PRUNE2: variants seen among roughly 807,000 people sequenced by gnomAD.
PRUNE2 encodes the protein protein prune homolog 2.
In PRUNE2, 164 loss-of-function variants were observed where a neutral mutation model predicts 252.0. That is an observed-to-expected ratio of 0.65 (90% CI 0.57 to 0.74). The LOEUF is 0.74. PRUNE2 is among the 30% of genes least tolerant of loss of function. PRUNE2 has a pLI of 0.00. For synonymous variants in PRUNE2, 1,292 were observed against 1,350.2 expected, an observed-to-expected ratio of 0.96 and a Z score of 0.94; for missense variants, 3,495 against 3,711.0, an observed-to-expected ratio of 0.94 and a Z score of 1.51.
At chr9:76,757,866 CA>C (rs984113966) in intron 6 of PRUNE2, among the ~76,000 whole-genome samples, 32 of 151,472 alleles carry the variant, frequency 2.1e-4, no homozygotes, top group Non-Finnish European at 3.4e-4. Flanking sequence ...GGGCCCCACC[CA>C]AAAAAAGAGA....
At chr9:76,743,045 A>T (rs1220118666) in intron 6 of PRUNE2, among the ~76,000 whole-genome samples, 1 of 152,046 alleles carries the variant, frequency 6.6e-6, no homozygotes, top group Non-Finnish European at 1.5e-5. Context: ...TTCTCATGAG[A>T]TCTGATGGTT....
chr9:76,660,348 C>G (rs1282438292), intron 9 of PRUNE2, among the ~76,000 whole-genome samples: 1 of 152,114 alleles, frequency 6.6e-6, no homozygotes, highest in Non-Finnish European at 1.5e-5. Context: ...AAATAAAAAG[C>G]AACCAGTAGG....
At chr9:76,718,084 T>A (rs115756716) in intron 6 of PRUNE2, among the ~76,000 whole-genome samples, 155 of 152,332 alleles carry the variant, frequency 1.0e-3, no homozygotes, top group African/African-American at 3.5e-3. Context: ...GTACCTGAAC[T>A]AATATCAAAA....
chr9:76,827,705 A>T (rs935053570), intron 4 of PRUNE2, among the ~76,000 whole-genome samples: 2 of 152,324 alleles, frequency 1.3e-5, no homozygotes, highest in African/African-American at 4.8e-5. Context: ...ATGGTACCCA[A>T]TCCAAACACA....
rs116690964 is a variant in PRUNE2 at position 76,705,056 on chromosome 9, C to A, written c.7218G>T (p.Gln2406His). Residue 2406 changes from glutamine to histidine, a missense_variant, in exon 8 of 19, where the codon CAG (glutamine) becomes CAT (histidine). Physicochemically the swap from Gln to His is conservative, Grantham distance 24. Transcript: ENST00000376718. ...CAGCTTCCTCTATTGTTTCAGCACT[C>A]TGGGCAGGTTCTGTGAGATAAGACA... ...FDLSYLTEPA[Q>H]SAETIEEAGS... is the part of the protein sequence containing the mutation. 1.7e-4 allele frequency: 274 copies of A among 1,613,996 alleles called. No individual in the cohort carries two copies. The African/African-American group carries it at 3.3e-3, about 19-fold the overall frequency.
At chr9:76,616,180 C>A (rs947580089) in intron 18 of PRUNE2, among the ~76,000 whole-genome samples, 1 of 152,170 alleles carries the variant, frequency 6.6e-6, no homozygotes, top group Admixed American at 6.6e-5. Context: ...AGTTTTCAGG[C>A]CCTCTGACTT....
Position 76,705,179 on chromosome 9 carries a change from T to G in PRUNE2, c.7095A>C (p.Leu2365Phe), listed in dbSNP as rs3739524. 0.19 allele frequency: 300,365 copies of G among 1,613,760 alleles called. 31,881 individuals carry two copies. The highest frequency in any genetic ancestry group is 0.5 in the East Asian group (22,204 of 44,856). The change falls in exon 8 of 19, where the codon TTA (leucine) becomes TTC (phenylalanine). Residue 2365 changes from leucine (L) to phenylalanine (F), a missense_variant. Physicochemically the swap from Leu to Phe is conservative, Grantham distance 22. Transcript: ENST00000376718. ...ACAGGAAGTGTTCAGGCTCTCTCAG[T>G]AAATCTTCATCGATATTCTGGCCCA... ...DVMGQNIDED[L>F]LREPEHFLYG...
intron 9 of PRUNE2, among the ~76,000 whole-genome samples, chr9:76,686,975 G>C (rs1041025764): frequency 6.6e-6 from 1 of 152,044 alleles, no homozygotes; most frequent in Non-Finnish European, 1.5e-5. Flanking sequence ...TCCTGGCCTC[G>C]AGTGATCCTC....
intron 6 of PRUNE2, chr9:76,782,853 A>C (rs1452600801): frequency 2.0e-5 from 3 of 152,244 alleles, no homozygotes; most frequent in African/African-American, 7.2e-5. Flanking sequence ...TGGTAGAACG[A>C]AGAATAGACC....
Position 76,900,825 on chromosome 9 carries a change from C to T in PRUNE2, c.36+5103G>A, listed in dbSNP as rs970248905. On this transcript the variant is annotated intron_variant, in intron 1 of 18. Coordinates refer to ENST00000376718, the MANE Select transcript of PRUNE2 (RefSeq NM_015225.3). ...CACGGAGGGGTAGGTTCCCTCTACCCCCTCCCTGGAGGAATAATGCCTCCA... is the reference window on the plus strand; with the variant it reads ...CACGGAGGGGTAGGTTCCCTCTACCTCCTCCCTGGAGGAATAATGCCTCCA... Among the ~76,000 whole-genome samples, 8 of 152,222 alleles carry T rather than the reference C, an allele frequency of 5.3e-5. No individual in the cohort carries two copies. In the East Asian group the frequency reaches 5.8e-4, roughly 11 times the overall value.
intron 6 of PRUNE2, among the ~76,000 whole-genome samples, chr9:76,774,465 T>TATTTA (rs761395945): frequency 1.7e-4 from 23 of 136,934 alleles, no homozygotes; most frequent in African/African-American, 5.0e-4. Flanking sequence ...TTTTTTTTTT[T>TATTTA]TTTTTTTTTT....
intron 12 of PRUNE2, among the ~76,000 whole-genome samples, chr9:76,640,219 C>A (rs963595090): frequency 1.3e-5 from 2 of 152,128 alleles, no homozygotes; most frequent in Admixed American, 6.5e-5. Flanking sequence ...ACTCTAAATA[C>A]CCACTGGTGA....
At chr9:76,648,743 A>G (rs373871444) in intron 11 of PRUNE2, among the ~76,000 whole-genome samples, 13 of 152,352 alleles carry the variant, frequency 8.5e-5, no homozygotes, top group African/African-American at 3.1e-4. Context: ...TGCTGCCACT[A>G]TACATTTGCT....
Position 76,865,794 on chromosome 9 carries a change from CCT to C in PRUNE2, c.37-11588_37-11587del, listed in dbSNP as rs923106273. On this transcript the variant is annotated intron_variant, in intron 1 of 18. Coordinates refer to ENST00000376718, the MANE Select transcript of PRUNE2 (RefSeq NM_015225.3). ...CTCTCATTTCTCTCCCTTCTTTCTC[CCT>C]CTCTCTCCCTACACACACACACACA... Among the ~76,000 whole-genome samples the C allele has an allele frequency of 1.3e-3, 181 of 141,116 alleles. 1 individual carries two copies. Among genetic ancestry groups the C allele is most frequent in the African/African-American group, 4.8e-3 (179 of 37,026 alleles). 92.6% of individuals were successfully genotyped at this position (141,116 alleles called of 152,430 possible).
In PRUNE2 at chr9:76,706,813, C is replaced by T; in HGVS notation, c.5461G>A (p.Gly1821Ser). The T allele has an allele frequency of 6.3e-7, 1 of 1,599,798 alleles. No homozygotes were observed. The highest frequency in any genetic ancestry group is 8.5e-7 in the Non-Finnish European group (1 of 1,173,426). ...NEDNSQLEMLGFSADSTEWWK... is the reference protein window; with the variant it reads ...NEDNSQLEMLSFSADSTEWWK... ...CACTCAGTGCTATCAGCTGAGAAGC[C>T]CAGCATTTCCAGTTGAGAATTATCT... Residue 1821 changes from glycine (G) to serine (S), a missense_variant, in exon 8 of 19, where the codon GGC becomes AGC. Gly to Ser is a moderately conservative substitution (Grantham distance 56). Coordinates refer to ENST00000376718, the MANE Select transcript of PRUNE2 (RefSeq NM_015225.3).
chr9:76,648,002 A>ACC lies in PRUNE2; in HGVS notation c.8558-3094_8558-3093insGG, dbSNP rs1427848273. ...ACAACAAAAACTCAACAATAAGAAA[A>ACC]TGGGCAAAAGACCTGGACAGGTACC... is the stretch of plus-strand genomic sequence containing the variant. On this transcript the variant is annotated intron_variant, in intron 11 of 18. Coordinates refer to ENST00000376718, the MANE Select transcript of PRUNE2 (RefSeq NM_015225.3). Among the ~76,000 whole-genome samples, 621 of 152,236 alleles carry ACC rather than the reference A, an allele frequency of 4.1e-3. 1 individual carries two copies. Among genetic ancestry groups the ACC allele is most frequent in the African/African-American group, 0.013 (557 of 41,556 alleles).
chr9:76,828,313 T>C (rs1249109242), intron 4 of PRUNE2, among the ~76,000 whole-genome samples: 1 of 152,198 alleles, frequency 6.6e-6, no homozygotes, highest in Non-Finnish European at 1.5e-5. Flanking sequence ...AAGCAATTAA[T>C]TACAGGTAGA....
chr9:76,761,863 T>C (rs138401563), intron 6 of PRUNE2, among the ~76,000 whole-genome samples: 6 of 152,342 alleles, frequency 3.9e-5, no homozygotes, highest in African/African-American at 1.4e-4. Flanking sequence ...ACATGAATTA[T>C]AGCTTTTGCA....
Position 76,706,431 on chromosome 9 carries a change from T to C in PRUNE2, c.5843A>G (p.Glu1948Gly). ...TTGGGTAGGTGTTTCAGGAGTCAGCTCATCACCAGCAGCAGACACAAAGGT... is the reference window on the plus strand; with the variant it reads ...TTGGGTAGGTGTTTCAGGAGTCAGCCCATCACCAGCAGCAGACACAAAGGT... ...EQTFVSAAGD[E>G]LTPETPTQEQ... The change falls in exon 8 of 19, where the codon GAG becomes GGG. Residue 1948 changes from glutamate to glycine, a missense_variant. By Grantham distance (98) the Glu-to-Gly change is moderately conservative (BLOSUM62 -2). Coordinates refer to ENST00000376718, the MANE Select transcript of PRUNE2 (RefSeq NM_015225.3). 6.2e-7 allele frequency: 1 copy of C among 1,614,006 alleles called. No individual in the cohort carries two copies. Among genetic ancestry groups the C allele is most frequent in the Non-Finnish European group, 8.5e-7 (1 of 1,179,876 alleles).
Sources: allele counts gnomAD v4.1 joint callset (sites outside exome capture counted in the v4.1 genomes callset), GRCh38; gene constraint gnomAD v4.1.1; transcripts MANE v1.5; gene names NCBI Gene and HGNC (gene_info 2026-07-23, HGNC 2026-07-21).